Variants in PAM observed in about 807,000 individuals in gnomAD.
The protein encoded by PAM is peptidyl-glycine alpha-amidating monooxygenase.
PAM carries 72 observed loss-of-function variants against 122.1 expected under a neutral mutation model. The observed-to-expected ratio is 0.59, with a 90% CI of 0.49 to 0.72. The LOEUF is 0.72. PAM is among the 30% of genes least tolerant of loss of function. The pLI is 0.00. For synonymous variants in PAM, 389 were observed against 404.4 expected, an observed-to-expected ratio of 0.96 and a Z score of 0.46; for missense variants, 1,106 against 1,183.7, an observed-to-expected ratio of 0.93 and a Z score of 0.96.
rs1230204898 is a variant in PAM at position 102,842,077 on chromosome 5, A to G, written c.-373-23746A>G. 2.0e-5 allele frequency among the ~76,000 whole-genome samples: 3 copies of G among 152,126 alleles called. No individual in the cohort carries two copies. The East Asian group carries it at 5.8e-4, about 29-fold the overall frequency. ...ATGGGTCCAAACATTATCGACAAAA[A>G]TGAATTAGAACCATAATTCTGATTC... is the stretch of plus-strand genomic sequence containing the variant. On this transcript the variant is annotated intron_variant, in intron 1 of 25. Transcript: ENST00000438793.
rs560780413 is a variant in PAM, at chr5:102,950,062, T to C, written c.801+84T>C. 3.5e-5 allele frequency: 27 copies of C among 761,732 alleles called. No homozygotes were observed. In the East Asian group the frequency reaches 4.8e-4, roughly 14 times the overall value. The allele number at this position is 761,732 out of a possible 1,614,324, so 47.2% of individuals were successfully genotyped here. On this transcript the variant is annotated intron_variant, in intron 11 of 25. Transcript: ENST00000438793. The stretch of plus-strand genomic sequence containing the variant: ...TTTAAAAATTATTATGCAACTCTTG[T>C]GAATTTCTCTAAAAATCTCTAAATC...
rs947792228 is a variant in PAM, at chr5:102,827,665, A to ATTTTTT, written c.-373-38131_-373-38126dup. On this transcript the variant is annotated intron_variant, in intron 1 of 25. Transcript: ENST00000438793. ...ACAATATCTTTTGAAGCTCACTATG[A>ATTTTTT]TTTTTTTTTTTTTTTTTTTTTTTTT... 1.6e-3 allele frequency among the ~76,000 whole-genome samples: 58 copies of ATTTTTT among 35,564 alleles called. 4 individuals carry two copies. The highest frequency in any genetic ancestry group is 7.6e-3 in the East Asian group (6 of 788). The allele number at this position is 35,564 out of a possible 152,430, so 23.3% of individuals were successfully genotyped here.
chr5:102,843,288 C>T (rs1027282959), intron 1 of PAM, among the ~76,000 whole-genome samples: 6 of 152,058 alleles, frequency 3.9e-5, no homozygotes, highest in Admixed American at 1.3e-4. Context: ...ATTGAGACTA[C>T]GTCTTAAAAC....
intron 23 of PAM, among the ~76,000 whole-genome samples, chr5:103,022,089 C>T (rs1380478052): frequency 2.0e-5 from 3 of 151,716 alleles, no homozygotes; most frequent in Non-Finnish European, 4.4e-5. Flanking sequence ...CAAAGCATAG[C>T]TCTCACCCCC....
Position 102,926,642 on chromosome 5 carries a change from A to G in PAM, c.500A>G (p.His167Arg), listed in dbSNP as rs773561165. ...AGTAAATACTTTGTACTACAGGTAC[A>G]CTATGGGGATATTAGTGCTTTTAGA... ...TGSKYFVLQV[H>R]YGDISAFRDN... The change falls in exon 7 of 26, where the codon CAC (histidine) becomes CGC (arginine). Residue 167 changes from histidine (H) to arginine (R), a missense_variant. By Grantham distance (29) the His-to-Arg change is conservative (BLOSUM62 0). Coordinates refer to ENST00000438793, the MANE Select transcript of PAM (RefSeq NM_001177306.2). 2 of 1,591,978 alleles carry G rather than the reference A, an allele frequency of 1.3e-6. No homozygotes were observed. Among genetic ancestry groups the G allele is most frequent in the Non-Finnish European group, 1.7e-6 (2 of 1,159,956 alleles).
At chr5:102,866,359 G>C in intron 2 of PAM, 75 bp downstream of exon 2, 2 of 929,442 alleles carry the variant, frequency 2.2e-6, no homozygotes, top group Admixed American at 1.8e-5. Flanking sequence ...CCTGAGTGTT[G>C]GCAAAATAGA....
intron 1 of PAM, among the ~76,000 whole-genome samples, chr5:102,758,294 G>C (rs1372966489): frequency 6.6e-6 from 1 of 151,844 alleles, no homozygotes; most frequent in Non-Finnish European, 1.5e-5. Context: ...TTGAGGCTTT[G>C]ATTGGACTCT....
intron 1 of PAM, among the ~76,000 whole-genome samples, chr5:102,863,001 T>TAAA (rs559404140): frequency 5.5e-5 from 8 of 146,360 alleles, no homozygotes; most frequent in South Asian, 2.1e-4. Context: ...TTTTTTTTTT[T>TAAA]AAAAAAAAAT....
intron 1 of PAM, among the ~76,000 whole-genome samples, chr5:102,812,600 A>T (rs1303019635): frequency 6.6e-6 from 1 of 152,164 alleles, no homozygotes; most frequent in Non-Finnish European, 1.5e-5. Context: ...TGTGAAAATT[A>T]CATTTCTTTG....
At chr5:102,937,422 G>A (rs572721899) in intron 7 of PAM, among the ~76,000 whole-genome samples, 27 of 152,232 alleles carry the variant, frequency 1.8e-4, no homozygotes, top group South Asian at 1.2e-3. Context: ...TGCACGAAAC[G>A]CCATGGCCTC....
At chr5:102,855,016 C>T (rs546848513) in intron 1 of PAM, among the ~76,000 whole-genome samples, 3 of 152,128 alleles carry the variant, frequency 2.0e-5, no homozygotes, top group Non-Finnish European at 2.9e-5. Flanking sequence ...GGTTGTCTTA[C>T]GATTAAGCTA....
chr5:102,761,993 A>C (rs963647558), intron 1 of PAM, among the ~76,000 whole-genome samples: 1 of 152,258 alleles, frequency 6.6e-6, no homozygotes, highest in African/African-American at 2.4e-5. Flanking sequence ...ATAAAGGTAG[A>C]GTCCCTTGCA....
intron 1 of PAM, among the ~76,000 whole-genome samples, chr5:102,830,137 T>C (rs907919194): frequency 2.6e-5 from 4 of 152,214 alleles, no homozygotes; most frequent in Non-Finnish European, 5.9e-5. Flanking sequence ...CTGGCATTCA[T>C]TCTGATTAAT....
chr5:102,825,307 T>C (rs933897491), intron 1 of PAM, among the ~76,000 whole-genome samples: 7 of 152,220 alleles, frequency 4.6e-5, no homozygotes, highest in Non-Finnish European at 7.3e-5. Flanking sequence ...TCAACATCGC[T>C]GGCTTTCAAT....
chr5:102,789,188 CT>C (rs963154206), intron 1 of PAM, among the ~76,000 whole-genome samples: 1 of 151,910 alleles, frequency 6.6e-6, no homozygotes, highest in African/African-American at 2.4e-5. Flanking sequence ...AGTATAGAGA[CT>C]GAATTTGAGG....
At chr5:102,814,294 A>T (rs1768914623) in intron 1 of PAM, among the ~76,000 whole-genome samples, 1 of 152,126 alleles carries the variant, frequency 6.6e-6, no homozygotes, top group African/African-American at 2.4e-5. Flanking sequence ...GAGGAATATG[A>T]TTTACTAATG....
intron 14 of PAM, among the ~76,000 whole-genome samples, chr5:102,965,577 C>T (rs1763851979): frequency 6.6e-6 from 1 of 151,940 alleles, no homozygotes; most frequent in Non-Finnish European, 1.5e-5. Flanking sequence ...ATGCTCTAGA[C>T]AACATTTATT....
intron 1 of PAM, among the ~76,000 whole-genome samples, chr5:102,784,104 A>G (rs1056349781): frequency 3.3e-5 from 5 of 152,068 alleles, no homozygotes; most frequent in African/African-American, 4.8e-5. Flanking sequence ...CGTGTTAGCC[A>G]GTATGTTCTC....
At chr5:102,764,338 T>C (rs1357766084) in intron 1 of PAM, among the ~76,000 whole-genome samples, 1 of 151,484 alleles carries the variant, frequency 6.6e-6, no homozygotes, top group Non-Finnish European at 1.5e-5. Flanking sequence ...AAAGAAAAAT[T>C]AGGCAAATAA....
Sources: allele counts gnomAD v4.1 joint callset (sites outside exome capture counted in the v4.1 genomes callset), GRCh38; gene constraint gnomAD v4.1.1; transcripts MANE v1.5; gene names NCBI Gene and HGNC (gene_info 2026-07-23, HGNC 2026-07-21).